CFAP251: variants seen among roughly 807,000 people sequenced by gnomAD.
The protein encoded by CFAP251 is cilia and flagella associated protein 251.
A neutral mutation model predicts 126.7 loss-of-function variants in CFAP251; 93 were observed. That is an observed-to-expected ratio of 0.73 (90% confidence interval 0.62 to 0.87). The LOEUF (loss-of-function observed/expected upper bound fraction) is 0.87. CFAP251 is among the 40% of genes least tolerant of loss of function. The probability of loss-of-function intolerance (pLI) is 0.00; values close to 1 mark genes in which losing one functional copy is unlikely to be tolerated. For synonymous variants in CFAP251, 503 were observed against 506.9 expected (o/e 0.99, Z 0.10); for missense variants, 1,287 against 1,389.2 (o/e 0.93, Z 1.17).
chr12:121,928,690 G>GTATATATATACGTATATA (rs1880550401), intron 3 of CFAP251, among the ~76,000 whole-genome samples: 1 of 62,830 alleles, frequency 1.6e-5, no homozygotes, highest in Non-Finnish European at 3.0e-5. Flanking sequence ...ATATATATAC[G>GTATATATATACGTATATA]TATATATATA....
chr12:121,928,619 T>A (rs1880511216), intron 3 of CFAP251, among the ~76,000 whole-genome samples: 1 of 56,174 alleles, frequency 1.8e-5, no homozygotes, highest in African/African-American at 7.3e-5. Flanking sequence ...TAATTTTATG[T>A]ATATGTGTAT....
chr12:121,975,650 A>C lies in CFAP251; in HGVS notation c.2971A>C (p.Met991Leu). ...HICLSELPFVMRAIGFYPSEE... is the reference protein window; with the variant it reads ...HICLSELPFVLRAIGFYPSEE... Reference sequence around the variant, plus strand: ...TTGCCTGTCAGAGCTTCCTTTTGTCATGAGAGCAATTGGCTTTTACCCATC... The same window carrying C: ...TTGCCTGTCAGAGCTTCCTTTTGTCCTGAGAGCAATTGGCTTTTACCCATC... The change falls in exon 19 of 22, where the codon ATG (methionine) becomes CTG (leucine). Residue 991 changes from methionine (M) to leucine (L), a missense_variant. Met to Leu is a conservative substitution (Grantham distance 15). Transcript: ENST00000288912. 6.3e-7 allele frequency: 1 copy of C among 1,596,984 alleles called. No homozygotes were observed. Among genetic ancestry groups the C allele is most frequent in the Non-Finnish European group, 8.5e-7 (1 of 1,175,064 alleles).
chr12:122,001,415 C>A, intron 20 of CFAP251, 82 bp from the exon 21 acceptor site: 1 of 1,233,798 alleles, frequency 8.1e-7, no homozygotes, highest in Non-Finnish European at 1.2e-6. Flanking sequence ...CTCTTTAAGA[C>A]CTCTGAATAA....
chr12:121,997,204 C>T (rs868589831), intron 19 of CFAP251: 1 of 152,132 alleles, frequency 6.6e-6, no homozygotes, highest in African/African-American at 2.4e-5. Flanking sequence ...TGAGATGGCA[C>T]GAGGGAACAG....
chr12:121,992,997 C>T lies in CFAP251; in HGVS notation c.3007-6719C>T, dbSNP rs190148419. Among the ~76,000 whole-genome samples, 95 of 147,302 alleles carry T rather than the reference C, an allele frequency of 6.4e-4. 1 individual carries two copies. In the East Asian group the frequency reaches 0.018, roughly 28 times the overall value. On this transcript the variant is annotated intron_variant, in intron 19 of 21. Transcript: ENST00000288912. ...TCCCTCTCCGTCTCCCTCTCCCTCT[C>T]CCTCTCCCCACGGTCTCCCTCTCAT...
chr12:121,972,053 CCT>C (rs552253886), intron 17 of CFAP251: 493 of 210,636 alleles, frequency 2.3e-3, no homozygotes, highest in Non-Finnish European at 3.5e-3. Flanking sequence ...TAACAATAAA[CCT>C]CTTTCTTTTG....
intron 17 of CFAP251, among the ~76,000 whole-genome samples, chr12:121,972,250 G>A (rs569528517): frequency 6.6e-6 from 1 of 152,342 alleles, no homozygotes; most frequent in East Asian, 1.9e-4. Flanking sequence ...GGAAGATGTG[G>A]GAAGGTTTGG....
intron 19 of CFAP251, among the ~76,000 whole-genome samples, chr12:121,982,846 AG>A (rs1311773530): frequency 6.6e-6 from 1 of 152,164 alleles, no homozygotes; most frequent in African/African-American, 2.4e-5. Context: ...ATATGCCTGG[AG>A]TCCCGGCTGC....
intron 19 of CFAP251, chr12:121,997,245 A>G (rs904542014): frequency 4.6e-5 from 7 of 152,168 alleles, no homozygotes; most frequent in Non-Finnish European, 1.0e-4. Context: ...CGTACGCCAC[A>G]ACACCCGGCT....
At chr12:121,979,144 G>A (rs962001607) in intron 19 of CFAP251, among the ~76,000 whole-genome samples, 9 of 152,184 alleles carry the variant, frequency 5.9e-5, no homozygotes, top group African/African-American at 9.6e-5. Flanking sequence ...CTCATTTCTC[G>A]AGAAATTAGT....
intron 17 of CFAP251, chr12:121,969,657 A>G (rs1215682833): frequency 4.7e-6 from 4 of 844,252 alleles, no homozygotes; most frequent in Non-Finnish European, 5.7e-6. Flanking sequence ...GGCTAACTTT[A>G]AAAAAATTTT....
chr12:121,934,110 A>C, intron 4 of CFAP251, 137 bp from the exon 5 acceptor site: 1 of 623,692 alleles, frequency 1.6e-6, no homozygotes, highest in Non-Finnish European at 2.7e-6. Context: ...CAGGAAGGCC[A>C]GCGGGAACAG....
chr12:121,942,756 A>T (rs1881173969), intron 6 of CFAP251, 111 bp downstream of exon 6: 1 of 1,252,726 alleles, frequency 8.0e-7, no homozygotes, highest in South Asian at 1.3e-5. Flanking sequence ...TGATATTCTC[A>T]AAAGACCAGA....
At chr12:121,948,935 C>A in intron 7 of CFAP251, 49 bp from the exon 8 acceptor site, 3 of 1,152,414 alleles carry the variant, frequency 2.6e-6, no homozygotes, top group South Asian at 1.5e-5. Flanking sequence ...TCAGCTTAAC[C>A]AGAAACAGAA....
rs746283721 is a variant in CFAP251, at chr12:121,969,053, C to T, written c.2771+884C>T. The T allele has an allele frequency of 6.0e-5, 59 of 985,306 alleles. No homozygotes were observed. In the Admixed American group the frequency reaches 8.6e-4, roughly 14 times the overall value. The allele number at this position is 985,306 out of a possible 1,614,324, so 61.0% of individuals were successfully genotyped here. On this transcript the variant is annotated intron_variant, in intron 17 of 21. Transcript: ENST00000288912. ...CCAAGCCCCTGCGCTGCCTGTGGCT[C>T]GGCTGGGCCTCTCTCGGTAGTGTGA...
chr12:121,945,265 C>T (rs532901381), intron 7 of CFAP251, among the ~76,000 whole-genome samples: 34 of 152,310 alleles, frequency 2.2e-4, no homozygotes, highest in African/African-American at 6.5e-4. Flanking sequence ...TGTTCACTCT[C>T]GCTTCACTCT....
intron 19 of CFAP251, among the ~76,000 whole-genome samples, chr12:121,985,968 C>T (rs1882736062): frequency 6.6e-6 from 1 of 152,048 alleles, no homozygotes; most frequent in Non-Finnish European, 1.5e-5. Context: ...CCAGCCTGAG[C>T]AGCGTAGTGA....
chr12:121,998,329 G>A (rs1883066747), intron 19 of CFAP251: 1 of 151,016 alleles, frequency 6.6e-6, no homozygotes, highest in Admixed American at 6.6e-5. Flanking sequence ...TGGGATTACA[G>A]GGGTGAGCCA....
intron 1 of CFAP251, among the ~76,000 whole-genome samples, chr12:121,919,956 C>T (rs544139736): frequency 1.1e-4 from 17 of 152,040 alleles, no homozygotes; most frequent in East Asian, 5.9e-4. Flanking sequence ...CCAAGGCGGG[C>T]GGATCACTTG....
Sources: allele counts gnomAD v4.1 joint callset (sites outside exome capture counted in the v4.1 genomes callset), GRCh38; gene constraint gnomAD v4.1.1; transcripts MANE v1.5; gene names NCBI Gene and HGNC (gene_info 2026-07-23, HGNC 2026-07-21).